The following CYTH3 variants were observed in gnomAD, a reference collection of about 807,000 sequenced individuals.
CYTH3 encodes cytohesin 3.
CYTH3 carries 23 observed loss-of-function variants against 55.1 expected under a neutral mutation model. That is an observed-to-expected ratio of 0.42 (90% CI 0.30 to 0.59). The LOEUF (loss-of-function observed/expected upper bound fraction) is 0.59. Ranked by LOEUF, CYTH3 falls within the 20% of genes least tolerant of loss-of-function variation. CYTH3 has a pLI of 0.20. For synonymous variants in CYTH3, 249 were observed against 194.9 expected (o/e 1.28, Z -2.31); for missense variants, 413 against 524.8 (o/e 0.79, Z 2.08).
chr7:6,175,586 T>C (rs191685273), intron 5 of CYTH3, among the ~76,000 whole-genome samples: 89 of 149,574 alleles, frequency 6.0e-4, no homozygotes, highest in African/African-American at 2.1e-3. Context: ...CTCACTCTGT[T>C]ACCCAGGCTG....
At position 6,170,697 on chromosome 7, in the gene CYTH3, T is replaced by C. The variant is rs374327769; in HGVS notation, c.712-51A>G. On this transcript the variant is annotated intron_variant, in intron 8 of 12. Coordinates refer to ENST00000350796, the MANE Select transcript of CYTH3 (RefSeq NM_004227.4). This position sits in a 1 kb window ranked among gnomAD's most constrained non-coding sequence, Gnocchi z 7.8. ...GTTCAGAGACTCGGAGGAAAATGGC[T>C]GGCCGGGCAGAAAGCTCAGCGGGAC... 239 of 1,590,042 alleles carry C rather than the reference T, an allele frequency of 1.5e-4. No individual in the cohort carries two copies. The African/African-American group carries it at 2.9e-3, about 20-fold the overall frequency.
chr7:6,261,689 C>CAAAA lies in CYTH3; in HGVS notation c.34+10781_34+10784dup, dbSNP rs71549614. ...TAGGCGACAGAGTGAGACCCTGTCTCAAAAAAAAAAAAAAAAAAAAAAAAA... is the reference window on the plus strand; with the variant it reads ...TAGGCGACAGAGTGAGACCCTGTCTCAAAAAAAAAAAAAAAAAAAAAAAAAAAAA... On this transcript the variant is annotated intron_variant, in intron 1 of 12. Coordinates refer to ENST00000350796, the MANE Select transcript of CYTH3 (RefSeq NM_004227.4). 5.9e-4 allele frequency among the ~76,000 whole-genome samples: 28 copies of CAAAA among 47,498 alleles called. 1 individual carries two copies. The highest frequency in any genetic ancestry group is 0.028 in the Middle Eastern group (2 of 72). 31.2% of individuals were successfully genotyped at this position (47,498 alleles called of 152,430 possible). A position where few individuals can be genotyped will look rare whatever the true frequency, so the allele number is the denominator to read the frequency against.
In CYTH3 at chr7:6,167,975, A is replaced by G. The variant is rs1306703739; in HGVS notation, c.824-2165T>C. 6.6e-6 allele frequency among the ~76,000 whole-genome samples: 1 copy of G among 152,194 alleles called. No homozygotes were observed. The highest frequency in any genetic ancestry group is 1.5e-5 in the Non-Finnish European group (1 of 68,024). The stretch of plus-strand genomic sequence containing the variant: ...CGTTGCAGACCAGGACTGCAGGCCC[A>G]GGGAAGGGGTGATAAGCTTGGTCTC... On this transcript the variant is annotated intron_variant, in intron 9 of 12. Coordinates refer to ENST00000350796, the MANE Select transcript of CYTH3 (RefSeq NM_004227.4). The surrounding 1 kb of genome is among the most constrained non-coding windows in gnomAD (Gnocchi z 5.5).
At chr7:6,189,697 C>G (rs377369760) in intron 2 of CYTH3, among the ~76,000 whole-genome samples, 89 of 152,194 alleles carry the variant, frequency 5.8e-4, no homozygotes, top group African/African-American at 1.9e-3. Context: ...CAAAGGGCAT[C>G]TGAGAGCCAA....
chr7:6,222,216 T>G (rs1784567802), intron 1 of CYTH3, among the ~76,000 whole-genome samples: 1 of 152,122 alleles, frequency 6.6e-6, no homozygotes, highest in African/African-American at 2.4e-5. Context: ...CAGCCAGACT[T>G]CCAAAGGCAG....
chr7:6,261,704 A>G (rs936987638), intron 1 of CYTH3, among the ~76,000 whole-genome samples: 2 of 151,596 alleles, frequency 1.3e-5, no homozygotes, highest in Admixed American at 6.6e-5. Flanking sequence ...AAAAAAAAAA[A>G]AAAAAAAAAA....
rs1562417988 is a variant in CYTH3, at chr7:6,259,807, ATATATAATATATATATATATATATATT to A, written c.34+12640_34+12666del. ...ATAATATATATATATATATATATAT[ATATATAATATATATATATATATATATT>A]TTTTTTTTTTTTTAAGACGGATTTT... On this transcript the variant is annotated intron_variant, in intron 1 of 12. Transcript: ENST00000350796. 9.6e-4 allele frequency among the ~76,000 whole-genome samples: 25 copies of A among 26,176 alleles called. 1 individual carries two copies. The highest frequency in any genetic ancestry group is 3.4e-3 in the East Asian group (2 of 584). 17.2% of individuals were successfully genotyped at this position (26,176 alleles called of 152,430 possible). A position where few individuals can be genotyped will look rare whatever the true frequency, so the allele number is the denominator to read the frequency against.
intron 1 of CYTH3, among the ~76,000 whole-genome samples, chr7:6,267,907 T>C (rs35934233): frequency 0.048 from 7,372 of 152,304 alleles, 270 homozygotes; most frequent in Middle Eastern, 0.075. Flanking sequence ...ATGAAACTGC[T>C]TTCCAATTTT....
intron 1 of CYTH3, among the ~76,000 whole-genome samples, chr7:6,255,948 A>G (rs1287309831): frequency 6.6e-6 from 1 of 151,914 alleles, no homozygotes; most frequent in Non-Finnish European, 1.5e-5. Flanking sequence ...TATTTTTAGT[A>G]GAGACAGGGT....
intron 2 of CYTH3, among the ~76,000 whole-genome samples, chr7:6,189,981 A>G (rs1424617637): frequency 2.6e-5 from 4 of 152,194 alleles, no homozygotes; most frequent in Non-Finnish European, 5.9e-5. Flanking sequence ...GGATGCAGTG[A>G]GCCCAGATTG....
chr7:6,259,113 A>G (rs997376718), intron 1 of CYTH3, among the ~76,000 whole-genome samples: 1 of 152,228 alleles, frequency 6.6e-6, no homozygotes, highest in Non-Finnish European at 1.5e-5. Context: ...GGAGAATATT[A>G]TATGTTCTCA....
chr7:6,198,392 C>T (rs1389099138), intron 1 of CYTH3, among the ~76,000 whole-genome samples: 2 of 146,434 alleles, frequency 1.4e-5, no homozygotes, highest in African/African-American at 2.4e-5. Flanking sequence ...CTATCAGTAT[C>T]CCTCTGCATC....
At chr7:6,200,880 T>C (rs1291658515) in intron 1 of CYTH3, among the ~76,000 whole-genome samples, 2 of 152,198 alleles carry the variant, frequency 1.3e-5, no homozygotes, top group Non-Finnish European at 2.9e-5. Context: ...CTCAGCCTCC[T>C]GAATAGCTGG....
chr7:6,268,499 T>G (rs973796844), intron 1 of CYTH3, among the ~76,000 whole-genome samples: 1 of 152,178 alleles, frequency 6.6e-6, no homozygotes, highest in African/African-American at 2.4e-5. Context: ...ATTTTGGAGA[T>G]CTCTCCATGT....
intron 1 of CYTH3, among the ~76,000 whole-genome samples, chr7:6,206,912 GTT>G (rs1784202167): frequency 6.6e-6 from 1 of 151,830 alleles, no homozygotes; most frequent in Non-Finnish European, 1.5e-5. Flanking sequence ...GATTTTTTTC[GTT>G]TTAGAGAGAC....
chr7:6,227,454 AT>A (rs1779286134), intron 1 of CYTH3, among the ~76,000 whole-genome samples: 1 of 152,216 alleles, frequency 6.6e-6, no homozygotes, highest in East Asian at 1.9e-4. Context: ...GCCCTTCCTG[AT>A]TTAAAAAAAA....
At chr7:6,219,303 A>G (rs909125493) in intron 1 of CYTH3, among the ~76,000 whole-genome samples, 1 of 152,222 alleles carries the variant, frequency 6.6e-6, no homozygotes, top group African/African-American at 2.4e-5. Context: ...CAGAGTGTTA[A>G]AGGTGCAACC....
At chr7:6,168,820 T>A (rs567863220) in intron 9 of CYTH3, among the ~76,000 whole-genome samples, 1 of 152,208 alleles carries the variant, frequency 6.6e-6, no homozygotes, top group African/African-American at 2.4e-5. Flanking sequence ...AGGGGTCACA[T>A]TGGCTGCCAG....
At position 6,170,389 on chromosome 7, in the gene CYTH3, A is replaced by G; in HGVS notation, c.823+146T>C. On this transcript the variant is annotated intron_variant, in intron 9 of 12. Coordinates refer to ENST00000350796, the MANE Select transcript of CYTH3 (RefSeq NM_004227.4). This position sits in a 1 kb window ranked among gnomAD's most constrained non-coding sequence, Gnocchi z 7.8. The stretch of plus-strand genomic sequence containing the variant: ...AGCAGCCGTGGCCATGCAGCTACCG[A>G]GAGCGGGCTCTGGCTTAACCGCGTT... 2.7e-6 allele frequency: 2 copies of G among 728,782 alleles called. No homozygotes were observed. The highest frequency in any genetic ancestry group is 3.8e-5 in the South Asian group (2 of 52,252). 45.1% of individuals were successfully genotyped at this position (728,782 alleles called of 1,614,324 possible). A position where few individuals can be genotyped will look rare whatever the true frequency, so the allele number is the denominator to read the frequency against.
Sources: gnomAD v4.1 joint callset for allele counts (sites outside exome capture counted in the v4.1 genomes callset) on GRCh38, gnomAD v4.1.1 for gene constraint, Gnocchi (gnomAD v3.1) non-coding constraint, MANE v1.5 for transcripts, NCBI Gene and HGNC (gene_info 2026-07-23, HGNC 2026-07-21) for gene names.